The following TMEM131 variants were observed in gnomAD, a reference collection of about 807,000 sequenced individuals.
TMEM131 encodes the protein transmembrane protein 131, also known as 2610524E03Rik.
Under a neutral mutation model 211.6 loss-of-function variants are expected in TMEM131, and 66 were observed. That is an observed-to-expected ratio of 0.31 (90% CI 0.26 to 0.38). The LOEUF (loss-of-function observed/expected upper bound fraction) is 0.38, where lower values mean the gene tolerates loss of function less well. Among genes scored for constraint, TMEM131 ranks in the 10% least tolerant of loss-of-function variants. TMEM131 has a pLI of 1.00. For missense variants in TMEM131, 2,036 were observed against 2,299.3 expected (o/e 0.89, Z 2.34); for synonymous variants, 844 against 841.3 (o/e 1.00, Z -0.06).
intron 5 of TMEM131, among the ~76,000 whole-genome samples, chr2:97,845,487 C>A (rs549277765): frequency 6.6e-6 from 1 of 152,070 alleles, no homozygotes; most frequent in South Asian, 2.1e-4. Context: ...CTAAAATAAG[C>A]CACGGGTGAA....
intron 2 of TMEM131, among the ~76,000 whole-genome samples, chr2:97,918,855 A>ACAC (rs34529123): frequency 6.6e-6 from 1 of 151,160 alleles, no homozygotes; most frequent in Non-Finnish European, 1.5e-5. Context: ...GCTTAAAACA[A>ACAC]TTTATTCTCA....
At chr2:97,970,861 C>G (rs1006030804) in intron 1 of TMEM131, among the ~76,000 whole-genome samples, 2 of 152,144 alleles carry the variant, frequency 1.3e-5, no homozygotes, top group Admixed American at 6.5e-5. Flanking sequence ...TTACAAATAC[C>G]TGCTGGCTTG....
intron 3 of TMEM131, among the ~76,000 whole-genome samples, chr2:97,905,085 A>G (rs569443547): frequency 6.6e-6 from 1 of 152,254 alleles, no homozygotes; most frequent in East Asian, 1.9e-4. Context: ...TGTTCTTCGT[A>G]GGATCCGTGT....
At chr2:97,908,621 C>A in intron 3 of TMEM131, 37 bp downstream of exon 3, 3 of 1,524,112 alleles carry the variant, frequency 2.0e-6, no homozygotes, top group South Asian at 1.2e-5. Flanking sequence ...CCAGAAGGAA[C>A]CGAAAGTATG....
At chr2:97,993,391 C>T (rs554376347) in intron 1 of TMEM131, among the ~76,000 whole-genome samples, 18 of 152,308 alleles carry the variant, frequency 1.2e-4, no homozygotes, top group African/African-American at 3.9e-4. Flanking sequence ...ATGCCAGACT[C>T]ACAGTGTCAC....
In TMEM131 at chr2:97,814,312, A is replaced by G. The variant is rs1681712270; in HGVS notation, c.1369T>C (p.Tyr457His). ...GCAAAACTGAAAGTGTTAGTAAGGT[A>G]AATTGGCCTTTCCACAGGATCAGCA... ...SPADPVERPI[Y>H]LTNTFSFAIL... The change falls in exon 14 of 41, where the codon TAC becomes CAC. Residue 457 changes from tyrosine to histidine, a missense_variant. Transcript: ENST00000186436. 2 of 1,613,828 alleles carry G rather than the reference A, an allele frequency of 1.2e-6. No individual in the cohort carries two copies. The highest frequency in any genetic ancestry group is 1.7e-6 in the Non-Finnish European group (2 of 1,179,870).
At chr2:97,773,743 C>T (rs935391553) in intron 32 of TMEM131, among the ~76,000 whole-genome samples, 1 of 151,794 alleles carries the variant, frequency 6.6e-6, no homozygotes, top group Non-Finnish European at 1.5e-5. Context: ...GCTAGGACTA[C>T]AGGCACATGC....
At chr2:97,987,330 C>T (rs1680070055) in intron 1 of TMEM131, among the ~76,000 whole-genome samples, 1 of 152,048 alleles carries the variant, frequency 6.6e-6, no homozygotes, top group Admixed American at 6.6e-5. Flanking sequence ...GGCCGTGAAA[C>T]CTCATCTACT....
chr2:97,887,832 C>T (rs142077269), intron 4 of TMEM131: 11 of 430,696 alleles, frequency 2.6e-5, no homozygotes, highest in South Asian at 6.3e-5. Context: ...CTACAACAAG[C>T]GAGTATTTTT....
intron 3 of TMEM131, among the ~76,000 whole-genome samples, chr2:97,903,706 T>G (rs1353187476): frequency 6.6e-6 from 1 of 152,094 alleles, no homozygotes; most frequent in Non-Finnish European, 1.5e-5. Flanking sequence ...TATTTATTTA[T>G]TTTGAGAGGG....
intron 19 of TMEM131, among the ~76,000 whole-genome samples, chr2:97,808,762 G>C (rs1681422891): frequency 6.6e-6 from 1 of 152,198 alleles, no homozygotes; most frequent in South Asian, 2.1e-4. Flanking sequence ...GAGGCTTGCA[G>C]CAAGAGGGGT....
chr2:97,757,988 C>T (rs553108870), intron 40 of TMEM131, among the ~76,000 whole-genome samples: 4 of 152,142 alleles, frequency 2.6e-5, no homozygotes, highest in East Asian at 1.9e-4. Context: ...AAAAATTAGC[C>T]GGGTGTGGTG....
chr2:97,796,950 T>C lies in TMEM131; in HGVS notation c.2907A>G (p.Gln969=). 6.2e-7 allele frequency: 1 copy of C among 1,614,006 alleles called. No individual in the cohort carries two copies. Among genetic ancestry groups the C allele is most frequent in the Non-Finnish European group, 8.5e-7 (1 of 1,179,884 alleles). The change falls in exon 27 of 41, where the codon CAA becomes CAG. Residue 969 remains glutamine (Q), a synonymous_variant. Transcript: ENST00000186436. ...NLTVMDAVMV[Q]GQGTTENLRV... ...TCAAGTTCTCAGTTGTTCCTTGTCC[T>C]TGGACCATCACAGCATCCATCACAG...
intron 31 of TMEM131, among the ~76,000 whole-genome samples, chr2:97,779,771 T>G (rs1679909159): frequency 6.6e-6 from 1 of 152,164 alleles, no homozygotes; most frequent in Non-Finnish European, 1.5e-5. Flanking sequence ...CCCCAAAGGT[T>G]TGGGAAGCCA....
intron 2 of TMEM131, among the ~76,000 whole-genome samples, chr2:97,916,117 T>C (rs1048634899): frequency 2.6e-5 from 4 of 152,064 alleles, no homozygotes; most frequent in Non-Finnish European, 5.9e-5. Context: ...AGTTTCACCA[T>C]GTTGGTCAGG....
chr2:97,778,713 T>G (rs1208702456), intron 31 of TMEM131, among the ~76,000 whole-genome samples: 1 of 152,226 alleles, frequency 6.6e-6, no homozygotes, highest in African/African-American at 2.4e-5. Flanking sequence ...TTGAAGCCCA[T>G]GATGCCTATC....
At chr2:97,776,396 AAT>A (rs1679732253) in intron 31 of TMEM131, among the ~76,000 whole-genome samples, 1 of 152,186 alleles carries the variant, frequency 6.6e-6, no homozygotes, top group African/African-American at 2.4e-5. Context: ...AAAACAAAGC[AAT>A]TACAACTTTT....
intron 4 of TMEM131, among the ~76,000 whole-genome samples, chr2:97,880,234 A>G (rs1021725598): frequency 1.3e-5 from 2 of 152,306 alleles, no homozygotes; most frequent in South Asian, 2.1e-4. Flanking sequence ...AGTTCTCCCC[A>G]GGTGTGGAGG....
intron 36 of TMEM131, 110 bp downstream of exon 36, chr2:97,761,925 G>A: frequency 7.9e-7 from 1 of 1,271,602 alleles, no homozygotes; most frequent in East Asian, 2.7e-5. Context: ...GCCATCAGAA[G>A]TAACACCAGA....
Sources: gnomAD v4.1 joint callset for allele counts (sites outside exome capture counted in the v4.1 genomes callset) on GRCh38, gnomAD v4.1.1 for gene constraint, MANE v1.5 for transcripts, NCBI Gene and HGNC (gene_info 2026-07-23, HGNC 2026-07-21) for gene names.